The following SCPPPQ1 variants were observed in gnomAD, a reference collection of about 807,000 sequenced individuals.
SCPPPQ1 encodes secretory calcium-binding phosphoprotein proline-glutamine rich 1.
At chr4:87,463,860 T>G in the SCPPPQ1 span, among the ~76,000 whole-genome samples, 1 of 152,208 alleles carries the variant, frequency 6.6e-6, no homozygotes, top group East Asian at 1.9e-4. Context: ...TACAAGCAGT[T>G]TTACTGGAAA....
At chr4:87,469,451 T>A in the SCPPPQ1 span, among the ~76,000 whole-genome samples, 1 of 152,018 alleles carries the variant, frequency 6.6e-6, no homozygotes, top group African/African-American at 2.4e-5. Flanking sequence ...TGACAAAGAG[T>A]GGTGAACTCC....
At chr4:87,469,114 T>C in the SCPPPQ1 span, among the ~76,000 whole-genome samples, 3 of 152,234 alleles carry the variant, frequency 2.0e-5, no homozygotes, top group Non-Finnish European at 2.9e-5. Context: ...TCCTTTGGTG[T>C]CAGAGCATTT....
At chr4:87,467,059 A>T in the SCPPPQ1 span, among the ~76,000 whole-genome samples, 2 of 152,098 alleles carry the variant, frequency 1.3e-5, no homozygotes, top group African/African-American at 4.8e-5. Context: ...TCTGCCTGAA[A>T]TGTTTCATCC....
chr4:87,468,620 T>C, the SCPPPQ1 span, among the ~76,000 whole-genome samples: 1 of 152,210 alleles, frequency 6.6e-6, no homozygotes, highest in African/African-American at 2.4e-5. Flanking sequence ...CATATATTCT[T>C]AGATGCTATC....
At chr4:87,463,005 A>G in the SCPPPQ1 span, among the ~76,000 whole-genome samples, 1 of 152,006 alleles carries the variant, frequency 6.6e-6, no homozygotes, top group Non-Finnish European at 1.5e-5. Flanking sequence ...CAAAAAAAAA[A>G]AAAAAAAAGC....
the SCPPPQ1 span, among the ~76,000 whole-genome samples, chr4:87,466,170 T>C: frequency 6.6e-6 from 1 of 152,022 alleles, no homozygotes; most frequent in South Asian, 2.1e-4. Context: ...GGCAGATCAC[T>C]TGAGGTCAGG....
the SCPPPQ1 span, chr4:87,461,878 G>A: frequency 5.3e-5 from 8 of 151,160 alleles, no homozygotes; most frequent in East Asian, 1.9e-4. Context: ...TTAATTTACC[G>A]TTGTGGACAC....
chr4:87,468,240 T>G, the SCPPPQ1 span, among the ~76,000 whole-genome samples: 1 of 152,374 alleles, frequency 6.6e-6, no homozygotes, highest in Non-Finnish European at 1.5e-5. Context: ...GCTTTTAAAT[T>G]TATATCCAAA....
chr4:87,469,947 CTTTTTTTTT>C, the SCPPPQ1 span, among the ~76,000 whole-genome samples: 768 of 114,974 alleles, frequency 6.7e-3, 6 homozygotes, highest in African/African-American at 0.02. Context: ...ACACACAAAT[CTTTTTTTTT>C]TTTTTTTTTT....
the SCPPPQ1 span, among the ~76,000 whole-genome samples, chr4:87,464,185 G>T: frequency 6.6e-6 from 1 of 152,146 alleles, no homozygotes; most frequent in Admixed American, 6.5e-5. Flanking sequence ...ACCGCGATAA[G>T]ATCATTAGGT....
the SCPPPQ1 span, among the ~76,000 whole-genome samples, chr4:87,465,825 C>G: frequency 1.3e-5 from 2 of 152,134 alleles, no homozygotes; most frequent in South Asian, 4.1e-4. Flanking sequence ...TATGGTTGTT[C>G]TTCTTAATTT....
chr4:87,461,350 CTT>C, the SCPPPQ1 span, among the ~76,000 whole-genome samples: 1 of 152,102 alleles, frequency 6.6e-6, no homozygotes. Context: ...GGTTAAGAGT[CTT>C]TTATGATACA....
the SCPPPQ1 span, among the ~76,000 whole-genome samples, chr4:87,467,746 C>G: frequency 4.0e-5 from 6 of 149,708 alleles, no homozygotes; most frequent in South Asian, 1.3e-3. Flanking sequence ...TGGAAAGTTT[C>G]ATAACCACCA....
chr4:87,468,801 C>T, the SCPPPQ1 span, among the ~76,000 whole-genome samples: 1 of 152,130 alleles, frequency 6.6e-6, no homozygotes, highest in African/African-American at 2.4e-5. Flanking sequence ...TGCAGCATTC[C>T]CATCAGCCTA....
At chr4:87,466,191 C>A in the SCPPPQ1 span, among the ~76,000 whole-genome samples, 1 of 151,796 alleles carries the variant, frequency 6.6e-6, no homozygotes, top group Non-Finnish European at 1.5e-5. Context: ...AGTGAGTTCG[C>A]CCAGCCCAAC....
chr4:87,467,355 A>T, the SCPPPQ1 span, among the ~76,000 whole-genome samples: 1 of 152,182 alleles, frequency 6.6e-6, no homozygotes, highest in Admixed American at 6.5e-5. Context: ...AAGAATCCAG[A>T]TATTAGGAGA....
chr4:87,463,058 G>A, the SCPPPQ1 span, among the ~76,000 whole-genome samples: 3 of 150,400 alleles, frequency 2.0e-5, no homozygotes, highest in Non-Finnish European at 4.4e-5. Context: ...TTGCATATAT[G>A]CCTGTAAATT....
chr4:87,466,708 T>C, the SCPPPQ1 span, among the ~76,000 whole-genome samples: 1 of 152,046 alleles, frequency 6.6e-6, no homozygotes, highest in South Asian at 2.1e-4. Flanking sequence ...GATCAGACAA[T>C]ATTAAGCAAG....
At chr4:87,464,635 C>T in the SCPPPQ1 span, among the ~76,000 whole-genome samples, 97 of 152,162 alleles carry the variant, frequency 6.4e-4, no homozygotes, top group African/African-American at 2.0e-3. Context: ...TCCAGGAGTT[C>T]GAGACCAGCC....
Sources: gnomAD v4.1 joint callset for allele counts (sites outside exome capture counted in the v4.1 genomes callset) on GRCh38, gnomAD v4.1.1 for gene constraint, MANE v1.5 for transcripts, NCBI Gene and HGNC (gene_info 2026-07-23, HGNC 2026-07-21) for gene names.